CCHCR1: variants seen among roughly 807,000 people sequenced by gnomAD.
The protein encoded by CCHCR1 is HCR (a-helix coiled-coil rod homologue).
In CCHCR1, 91 loss-of-function variants were observed where a neutral mutation model predicts 114.6. The ratio of observed to expected loss-of-function variants is 0.79; its 90% CI spans 0.67 to 0.94. The LOEUF is 0.94. CCHCR1 is among the 40% of genes least tolerant of loss of function. CCHCR1 has a pLI of 0.00. For synonymous variants in CCHCR1, 379 were observed against 428.5 expected (o/e 0.88, Z 1.43); for missense variants, 899 against 1,079.9 (o/e 0.83, Z 2.35).
In CCHCR1 at chr6:31,144,955, C is replaced by T; in HGVS notation, c.1995G>A (p.Gln665=). The T allele has an allele frequency of 8.7e-6, 14 of 1,611,266 alleles. No homozygotes were observed. The highest frequency in any genetic ancestry group is 1.1e-5 in the Non-Finnish European group (13 of 1,179,952). ...GLQLEVARQG[Q]QESTEEAASL... is the part of the protein sequence containing the mutation. Reference sequence around the variant, plus strand: ...TGGCAGCCTCCTCTGTGCTCTCCTGCTGGCCCTGGCGTGCTACCTCCAGCT... The same window carrying T: ...TGGCAGCCTCCTCTGTGCTCTCCTGTTGGCCCTGGCGTGCTACCTCCAGCT... The change falls in exon 14 of 18, where the codon CAG becomes CAA. Residue 665 remains glutamine (Q), a synonymous_variant. Transcript: ENST00000396268. This position sits in a 1 kb window ranked among gnomAD's most constrained non-coding sequence, Gnocchi z 4.6.
chr6:31,150,706 T>TA lies in CCHCR1; in HGVS notation c.1101+18dup, dbSNP rs1368224869. ...CCTGATCCCTAAGTCTGCACACAGA[T>TA]ACATTCCTGCACCCTCACCTGCATG... is the stretch of plus-strand genomic sequence containing the variant. On this transcript the variant is annotated intron_variant, in intron 6 of 17. Transcript: ENST00000396268. The surrounding 1 kb of genome is among the most constrained non-coding windows in gnomAD (Gnocchi z 5.3). The TA allele has an allele frequency of 6.2e-7, 1 of 1,610,026 alleles. No homozygotes were observed. Among genetic ancestry groups the TA allele is most frequent in the Admixed American group, 1.7e-5 (1 of 59,870 alleles).
Position 31,154,850 on chromosome 6 carries a change from TA to T in CCHCR1, c.498-52del, listed in dbSNP as rs1379607704. 6.7e-7 allele frequency: 1 copy of T among 1,501,984 alleles called. No individual in the cohort carries two copies. Among genetic ancestry groups the T allele is most frequent in the Non-Finnish European group, 9.0e-7 (1 of 1,116,818 alleles). 93.0% of individuals were successfully genotyped at this position (1,501,984 alleles called of 1,614,324 possible). On this transcript the variant is annotated intron_variant, in intron 3 of 17. Coordinates refer to ENST00000396268, the MANE Select transcript of CCHCR1 (RefSeq NM_001105564.2). This position sits in a 1 kb window ranked among gnomAD's most constrained non-coding sequence, Gnocchi z 4.1. ...AGACTTGTCTCCAGTGCTGGAAGGATAGTTGAGGGCATAAACATAGCCAGGA... is the reference window on the plus strand; with the variant it reads ...AGACTTGTCTCCAGTGCTGGAAGGATGTTGAGGGCATAAACATAGCCAGGA...
chr6:31,150,360 G>T lies in CCHCR1; in HGVS notation c.1212+95C>A. 3 of 1,341,950 alleles carry T rather than the reference G, an allele frequency of 2.2e-6. No homozygotes were observed. Among genetic ancestry groups the T allele is most frequent in the East Asian group, 4.7e-5 (2 of 42,722 alleles). 83.1% of individuals were successfully genotyped at this position (1,341,950 alleles called of 1,614,324 possible). A position where few individuals can be genotyped will look rare whatever the true frequency, so the allele number is the denominator to read the frequency against. On this transcript the variant is annotated intron_variant, in intron 7 of 17. Coordinates refer to ENST00000396268, the MANE Select transcript of CCHCR1 (RefSeq NM_001105564.2). This position sits in a 1 kb window ranked among gnomAD's most constrained non-coding sequence, Gnocchi z 5.3. The stretch of plus-strand genomic sequence containing the variant: ...AGGAAGGAGATCTAAGCAGGTTCTG[G>T]GGCACATTGACCCCTCCTGCCCACA...
At position 31,156,937 on chromosome 6, in the gene CCHCR1, A is replaced by G; in HGVS notation, c.291T>C (p.Thr97=). ...NVEMFPPSGS[T]GLIPPSHFQA... Reference sequence around the variant, plus strand: ...GAAAGTGGGAGGGGGGAATCAGCCCAGTGGAACCTGAAGAATTACAAAAAC... The same window carrying G: ...GAAAGTGGGAGGGGGGAATCAGCCCGGTGGAACCTGAAGAATTACAAAAAC... Residue 97 remains threonine, a synonymous_variant, in exon 3 of 18, where the codon ACT becomes ACC. Transcript: ENST00000396268. The G allele has an allele frequency of 6.2e-7, 1 of 1,612,918 alleles. No homozygotes were observed. The highest frequency in any genetic ancestry group is 1.3e-5 in the African/African-American group (1 of 75,054).
chr6:31,152,719 T>G (rs1303668243), intron 4 of CCHCR1, among the ~76,000 whole-genome samples: 1 of 152,072 alleles, frequency 6.6e-6, no homozygotes, highest in African/African-American at 2.4e-5. Flanking sequence ...CAAATGATCC[T>G]TCCACCTTGG....
intron 8 of CCHCR1, 130 bp from the exon 9 acceptor site, chr6:31,148,858 C>CAAG: frequency 5.7e-6 from 1 of 175,124 alleles, no homozygotes; most frequent in Non-Finnish European, 1.0e-5. Context: ...GGGGGGCGGG[C>CAAG]GACGGGGGTG....
Position 31,151,860 on chromosome 6 carries a change from G to A in CCHCR1, c.802-738C>T, listed in dbSNP as rs1288593548. Among the ~76,000 whole-genome samples, 1 of 152,136 alleles carries A rather than the reference G, an allele frequency of 6.6e-6. No individual in the cohort carries two copies. The highest frequency in any genetic ancestry group is 6.5e-5 in the Admixed American group (1 of 15,270). On this transcript the variant is annotated intron_variant, in intron 4 of 17. Coordinates refer to ENST00000396268, the MANE Select transcript of CCHCR1 (RefSeq NM_001105564.2). The surrounding 1 kb of genome is among the most constrained non-coding windows in gnomAD (Gnocchi z 4.1). ...CAAGAGTCATGGGATGGACTGGAAA[G>A]GAGGGCAAAGTGCCCACCCTGCTTC...
In CCHCR1 at chr6:31,151,759, G is replaced by GA. The variant is rs1775260273; in HGVS notation, c.802-638dup. On this transcript the variant is annotated intron_variant, in intron 4 of 17. Coordinates refer to ENST00000396268, the MANE Select transcript of CCHCR1 (RefSeq NM_001105564.2). The surrounding 1 kb of genome is among the most constrained non-coding windows in gnomAD (Gnocchi z 4.1). ...ACTATCTGTCGGACCACACTGGAAG[G>GA]AAAGCTCCAGGAAAGGAGGAATTTT... 1.3e-5 allele frequency among the ~76,000 whole-genome samples: 2 copies of GA among 152,178 alleles called. No homozygotes were observed. Among genetic ancestry groups the GA allele is most frequent in the Admixed American group, 1.3e-4 (2 of 15,276 alleles).
rs1283347212 is a variant in CCHCR1 at position 31,143,303 on chromosome 6, G to A, written c.2278C>T (p.Arg760Trp). Reference protein sequence around the residue: ...ARKEEGQRLARRLQELERDKN... With the variant: ...ARKEEGQRLAWRLQELERDKN... Reference sequence around the variant, plus strand: ...TCCCTCTCTAGCTCCTGCAAGCGCCGGGCCAGTCGCTGCCCCTCCTCCTTC... The same window carrying A: ...TCCCTCTCTAGCTCCTGCAAGCGCCAGGCCAGTCGCTGCCCCTCCTCCTTC... Residue 760 changes from arginine to tryptophan, a missense_variant, in exon 16 of 18, where the codon CGG becomes TGG. Arg to Trp is a moderately radical substitution (Grantham distance 101). Transcript: ENST00000396268. This position sits in a 1 kb window ranked among gnomAD's most constrained non-coding sequence, Gnocchi z 5.3. 18 of 1,612,766 alleles carry A rather than the reference G, an allele frequency of 1.1e-5. No homozygotes were observed. Among genetic ancestry groups the A allele is most frequent in the Middle Eastern group, 3.3e-4 (2 of 6,062 alleles).
Position 31,144,861 on chromosome 6 carries a change from A to G in CCHCR1, c.2065+24T>C, listed in dbSNP as rs1774083379. 1 of 1,611,744 alleles carries G rather than the reference A, an allele frequency of 6.2e-7. No individual in the cohort carries two copies. The highest frequency in any genetic ancestry group is 1.3e-5 in the African/African-American group (1 of 74,808). On this transcript the variant is annotated intron_variant, in intron 14 of 17. Coordinates refer to ENST00000396268, the MANE Select transcript of CCHCR1 (RefSeq NM_001105564.2). The surrounding 1 kb of genome is among the most constrained non-coding windows in gnomAD (Gnocchi z 4.6). ...CAGTTCCCACCCCACCCTCCAAGGG[A>G]AGCACCCATTTCCCTCTCGACACCT... is the stretch of plus-strand genomic sequence containing the variant.
In CCHCR1 at chr6:31,150,604, AT is replaced by A; in HGVS notation, c.1102-40del. ...AAAGCAGCCCCTCTGTAGGGCCTCC[AT>A]GCCGCCTTAGGTACCACCTTCTCTC... is the stretch of plus-strand genomic sequence containing the variant. On this transcript the variant is annotated intron_variant, in intron 6 of 17. Transcript: ENST00000396268. This position sits in a 1 kb window ranked among gnomAD's most constrained non-coding sequence, Gnocchi z 5.3. 1 of 1,596,082 alleles carries A rather than the reference AT, an allele frequency of 6.3e-7. No homozygotes were observed. Among genetic ancestry groups the A allele is most frequent in the Non-Finnish European group, 8.6e-7 (1 of 1,168,340 alleles).
At position 31,145,789 on chromosome 6, in the gene CCHCR1, T is replaced by G; in HGVS notation, c.1600A>C (p.Thr534Pro). ...GCCCCTTCCACCTTAGCCATGGTGG[T>G]CTCGAGCCAGATCTGAGAGCTGGAG... ...AVSSSQIWLE[T>P]TMAKVEGAAA... Residue 534 changes from threonine to proline, a missense_variant, in exon 11 of 18, where the codon ACC (threonine) becomes CCC (proline). Thr to Pro is a conservative substitution (Grantham distance 38). Transcript: ENST00000396268. 6.2e-7 allele frequency: 1 copy of G among 1,612,198 alleles called. No individual in the cohort carries two copies. The highest frequency in any genetic ancestry group is 1.3e-5 in the African/African-American group (1 of 75,000).
chr6:31,142,694 ATC>A lies in CCHCR1; in HGVS notation c.2512_2513del (p.Asp838Ter). 1.9e-6 allele frequency: 3 copies of A among 1,612,258 alleles called. No homozygotes were observed. The highest frequency in any genetic ancestry group is 2.5e-6 in the Non-Finnish European group (3 of 1,179,862). On this transcript the variant is annotated frameshift_variant, in exon 18 of 18. Coordinates refer to ENST00000396268, the MANE Select transcript of CCHCR1 (RefSeq NM_001105564.2). LOFTEE classifies it low-confidence loss of function (END_TRUNC). ...SIKGSLSVLL[D>X]DLQDLSEAIS... ...TGGCTTCACTCAGGTCCTGCAGGTC[ATC>A]GAGCAGGACAGAGAGGGACCCTGGG...
At position 31,148,714 on chromosome 6, in the gene CCHCR1, C is replaced by T; in HGVS notation, c.1377G>A (p.Gln459=). The change falls in exon 9 of 18, where the codon CAG becomes CAA. Residue 459 remains glutamine, a synonymous_variant. Transcript: ENST00000396268. ...KQLKGQVASL[Q]EKVTSQSQEQ... is the part of the protein sequence containing the mutation. ...CCTGGCTCTGGGATGTCACTTTTTC[C>T]TGGAGTGAGGCCACCTGGGGGAGGA... The T allele has an allele frequency of 6.2e-7, 1 of 1,611,628 alleles. No individual in the cohort carries two copies. Among genetic ancestry groups the T allele is most frequent in the Non-Finnish European group, 8.5e-7 (1 of 1,178,818 alleles).
At chr6:31,149,000 A>C (rs1175299836) in intron 8 of CCHCR1, among the ~76,000 whole-genome samples, 1 of 151,930 alleles carries the variant, frequency 6.6e-6, no homozygotes, top group Non-Finnish European at 1.5e-5. Context: ...AAAAATACAA[A>C]AATTAGCTGA....
chr6:31,148,351 C>T, intron 10 of CCHCR1, 54 bp downstream of exon 10: 1 of 1,152,880 alleles, frequency 8.7e-7, no homozygotes, highest in South Asian at 1.4e-5. Context: ...ACAAGGTGCC[C>T]AGGAACCTGA....
intron 10 of CCHCR1, among the ~76,000 whole-genome samples, chr6:31,147,997 AC>A (rs532105612): frequency 2.0e-5 from 3 of 152,012 alleles, no homozygotes; most frequent in Non-Finnish European, 4.4e-5. Flanking sequence ...AAATAAATAG[AC>A]TAAATTTTTC....
chr6:31,142,642 C>T lies in CCHCR1; in HGVS notation c.2566G>A (p.Gly856Arg), dbSNP rs765343959. The change falls in exon 18 of 18, where the codon GGA becomes AGA. Residue 856 changes from glycine to arginine, a missense_variant. Transcript: ENST00000396268. ...AISKEEAVCQ[G>R]DNLDRCSSSN... ...CTGGAGCATCTGTCAAGGTTGTCTC[C>T]TTGACAAACAGCTTCCTCTTTGGAA... The T allele has an allele frequency of 3.1e-6, 5 of 1,613,642 alleles. No individual in the cohort carries two copies. The Admixed American group carries it at 5.0e-5, about 16-fold the overall frequency.
rs1319595599 is a variant in CCHCR1, at chr6:31,150,555, T to C, written c.1112A>G (p.Glu371Gly). The C allele has an allele frequency of 5.6e-6, 9 of 1,611,350 alleles. No homozygotes were observed. The highest frequency in any genetic ancestry group is 7.6e-6 in the Non-Finnish European group (9 of 1,179,534). ...KLLETMQHLQ[E>G]DRDSLHATAE... is the part of the protein sequence containing the mutation. ...GGTGGCATGCAGGCTGTCCCGGTCC[T>C]CCTGCAAGTGCTGCGGGCAGAGGAA... The change falls in exon 7 of 18, where the codon GAG becomes GGG. Residue 371 changes from glutamate to glycine, a missense_variant. By Grantham distance (98) the Glu-to-Gly change is moderately conservative (BLOSUM62 -2). Transcript: ENST00000396268. The surrounding 1 kb of genome is among the most constrained non-coding windows in gnomAD (Gnocchi z 5.3).
Sources: gnomAD v4.1 joint callset for allele counts (sites outside exome capture counted in the v4.1 genomes callset) on GRCh38, gnomAD v4.1.1 for gene constraint, Gnocchi (gnomAD v3.1) non-coding constraint, MANE v1.5 for transcripts, NCBI Gene and HGNC (gene_info 2026-07-23, HGNC 2026-07-21) for gene names.